KCNMA1: variants seen among roughly 807,000 people sequenced by gnomAD.
The protein encoded by KCNMA1 is potassium calcium-activated channel subfamily M alpha 1, also known as Calcium-activated potassium channel subunit alpha-1.
Under a neutral mutation model 140.0 loss-of-function variants are expected in KCNMA1, and 29 were observed. The observed-to-expected ratio is 0.21, with a 90% CI of 0.15 to 0.28. KCNMA1 has a LOEUF of 0.28. Ranked by LOEUF, KCNMA1 falls within the 10% of genes least tolerant of loss-of-function variation. The pLI is 1.00. For synonymous variants in KCNMA1, 612 were observed against 611.9 expected (o/e 1.00, Z 0.00); for missense variants, 880 against 1,602.2 (o/e 0.55, Z 7.70).
intron 6 of KCNMA1, among the ~76,000 whole-genome samples, chr10:77,116,425 T>G (rs2097467134): frequency 6.6e-6 from 1 of 152,078 alleles, no homozygotes; most frequent in Admixed American, 6.5e-5. Context: ...TAACAAGACA[T>G]GTTTCAGTTA....
intron 2 of KCNMA1, among the ~76,000 whole-genome samples, chr10:77,323,188 A>G (rs536332889): frequency 7.9e-5 from 12 of 152,318 alleles, no homozygotes; most frequent in African/African-American, 2.2e-4. Context: ...CAGGCATTCT[A>G]TTAGCTCAGC....
intron 2 of KCNMA1, among the ~76,000 whole-genome samples, chr10:77,343,496 A>T (rs1401779602): frequency 6.6e-6 from 1 of 152,096 alleles, no homozygotes; most frequent in Non-Finnish European, 1.5e-5. Context: ...GGGGTGGCAG[A>T]GGGGAGGGGG....
chr10:77,266,281 T>G (rs1051441822), intron 2 of KCNMA1, among the ~76,000 whole-genome samples: 1 of 152,160 alleles, frequency 6.6e-6, no homozygotes, highest in African/African-American at 2.4e-5. Context: ...AAGAAGAATG[T>G]CCACATGACT....
At chr10:77,567,469 C>T (rs1346789719) in intron 1 of KCNMA1, among the ~76,000 whole-genome samples, 2 of 152,174 alleles carry the variant, frequency 1.3e-5, no homozygotes, top group African/African-American at 4.8e-5. Context: ...GAGGAACTAC[C>T]GGCAGTTATG....
intron 2 of KCNMA1, among the ~76,000 whole-genome samples, chr10:77,282,731 G>GAAACACAGGTGGCTGAT (rs1253706108): frequency 1.3e-5 from 2 of 152,136 alleles, no homozygotes; most frequent in Admixed American, 1.3e-4. Context: ...GCTCTGATAA[G>GAAACACAGGTGGCTGAT]AAACACAGGT....
chr10:76,963,775 G>A (rs757367440), intron 20 of KCNMA1, among the ~76,000 whole-genome samples: 3 of 152,080 alleles, frequency 2.0e-5, no homozygotes, highest in Non-Finnish European at 4.4e-5. Flanking sequence ...ACTAGTCCTC[G>A]CAAAGTGCAA....
chr10:77,018,488 G>A (rs2092446662), intron 17 of KCNMA1, among the ~76,000 whole-genome samples: 1 of 152,190 alleles, frequency 6.6e-6, no homozygotes. Context: ...ATCCTGTGCT[G>A]CACTTACAGT....
chr10:77,526,578 C>T (rs1348964359), intron 1 of KCNMA1, among the ~76,000 whole-genome samples: 2 of 152,192 alleles, frequency 1.3e-5, no homozygotes, highest in Non-Finnish European at 2.9e-5. Flanking sequence ...ATCATTCCTA[C>T]AAGAAATGGC....
chr10:77,244,716 T>C (rs2058166398), intron 3 of KCNMA1, among the ~76,000 whole-genome samples: 1 of 152,218 alleles, frequency 6.6e-6, no homozygotes, highest in African/African-American at 2.4e-5. Context: ...AATGGCAATA[T>C]GGAAGGTCAG....
intron 14 of KCNMA1, among the ~76,000 whole-genome samples, chr10:77,048,451 T>C (rs1359115921): frequency 6.6e-6 from 1 of 152,154 alleles, no homozygotes; most frequent in African/African-American, 2.4e-5. Context: ...CAGAAAGAAC[T>C]TGACAAAACT....
chr10:76,887,100 T>C lies in KCNMA1; in HGVS notation c.*166A>G. On this transcript the variant is annotated 3_prime_UTR_variant, in exon 28 of 28. Transcript: ENST00000286628. ...GTTGTGCTCAAGGGTTTTATGGTGG[T>C]GAAATAAAAATGACAACCACATGCA... The C allele has an allele frequency of 2.6e-6, 4 of 1,562,496 alleles. No individual in the cohort carries two copies. Among genetic ancestry groups the C allele is most frequent in the Non-Finnish European group, 3.5e-6 (4 of 1,158,662 alleles).
Position 76,907,009 on chromosome 10 carries a change from A to G in KCNMA1, c.3147+2957T>C, listed in dbSNP as rs563742182. On this transcript the variant is annotated intron_variant, in intron 25 of 27. Transcript: ENST00000286628. The stretch of plus-strand genomic sequence containing the variant: ...GACTTACTTAAATATGTCTTGCTTC[A>G]ACACTTAAACCAAGAGTATTCACAT... Among the ~76,000 whole-genome samples, 8 of 152,338 alleles carry G rather than the reference A, an allele frequency of 5.3e-5. No homozygotes were observed. In the East Asian group the frequency reaches 9.6e-4, roughly 18 times the overall value.
At chr10:76,944,670 C>T (rs796595458) in intron 23 of KCNMA1, 103 bp downstream of exon 23, 2 of 1,083,746 alleles carry the variant, frequency 1.8e-6, no homozygotes, top group African/African-American at 1.5e-5. Flanking sequence ...CACTGCCAGG[C>T]AGGCTGATGT....
At chr10:76,988,929 C>T (rs545806648) in intron 19 of KCNMA1, among the ~76,000 whole-genome samples, 1 of 152,284 alleles carries the variant, frequency 6.6e-6, no homozygotes, top group African/African-American at 2.4e-5. Flanking sequence ...CTATATGCTT[C>T]CTGCTACACG....
Position 77,131,564 on chromosome 10 carries a change from G to A in KCNMA1, c.809-10516C>T, listed in dbSNP as rs550815150. Among the ~76,000 whole-genome samples, 99 of 152,252 alleles carry A rather than the reference G, an allele frequency of 6.5e-4. 1 individual carries two copies. Among genetic ancestry groups the A allele is most frequent in the African/African-American group, 7.9e-4 (33 of 41,552 alleles). On this transcript the variant is annotated intron_variant, in intron 5 of 27. Transcript: ENST00000286628. ...AGGAGAGTGGTTACCTTTGTGGGGT[G>A]TAGTGACTAGAAGGTTGCCAGGAGA... is the stretch of plus-strand genomic sequence containing the variant.
chr10:77,089,906 G>A (rs1363211909), intron 10 of KCNMA1, among the ~76,000 whole-genome samples: 2 of 152,098 alleles, frequency 1.3e-5, no homozygotes, highest in Non-Finnish European at 2.9e-5. Context: ...GCACAGTGAC[G>A]GGCTAGGGTC....
chr10:77,268,828 G>A (rs1361849297), intron 2 of KCNMA1, among the ~76,000 whole-genome samples: 1 of 152,088 alleles, frequency 6.6e-6, no homozygotes, highest in Non-Finnish European at 1.5e-5. Flanking sequence ...TGACAGAGAG[G>A]GTGTCTCTGC....
intron 3 of KCNMA1, among the ~76,000 whole-genome samples, chr10:77,201,298 A>G (rs1159414722): frequency 2.6e-5 from 4 of 152,288 alleles, no homozygotes; most frequent in South Asian, 2.1e-4. Context: ...ATGCGGTCAT[A>G]TTTGTTTGGT....
At chr10:76,977,883 A>T (rs1298484586) in intron 19 of KCNMA1, 1 of 479,232 alleles carries the variant, frequency 2.1e-6, no homozygotes, top group Non-Finnish European at 3.7e-6. Context: ...AACCACATCT[A>T]CCGTGAGCAA....
Sources: gnomAD v4.1 joint callset for allele counts (sites outside exome capture counted in the v4.1 genomes callset) on GRCh38, gnomAD v4.1.1 for gene constraint, MANE v1.5 for transcripts, NCBI Gene and HGNC (gene_info 2026-07-23, HGNC 2026-07-21) for gene names.